Variants in NUDT5 observed in about 807,000 individuals in gnomAD.
The protein encoded by NUDT5 is nudix hydrolase 5.
Under a neutral mutation model 34.1 loss-of-function variants are expected in NUDT5, and 21 were observed. The ratio of observed to expected loss-of-function variants is 0.62; its 90% CI spans 0.44 to 0.89. The LOEUF (loss-of-function observed/expected upper bound fraction) is 0.89, where lower values mean the gene tolerates loss of function less well. Among genes scored for constraint, NUDT5 ranks in the 40% least tolerant of loss-of-function variants. NUDT5 has a pLI of 0.00. For synonymous variants in NUDT5, 85 were observed against 97.6 expected, an observed-to-expected ratio of 0.87 and a Z score of 0.76; for missense variants, 249 against 274.8, an observed-to-expected ratio of 0.91 and a Z score of 0.66.
At chr10:12,185,271 G>A (rs762732071) in intron 2 of NUDT5, among the ~76,000 whole-genome samples, 49 of 152,326 alleles carry the variant, frequency 3.2e-4, no homozygotes, top group African/African-American at 1.2e-3. Context: ...GAGCACATGG[G>A]GTGAGGGTGT....
intron 2 of NUDT5, among the ~76,000 whole-genome samples, chr10:12,185,356 C>G (rs905147702): frequency 3.3e-5 from 5 of 152,136 alleles, no homozygotes; most frequent in Admixed American, 2.0e-4. Flanking sequence ...GTAGAAATGG[C>G]CATTTCTAGA....
At chr10:12,193,867 CTCT>C (rs1835279911) in intron 1 of NUDT5, among the ~76,000 whole-genome samples, 1 of 149,540 alleles carries the variant, frequency 6.7e-6, no homozygotes, top group African/African-American at 2.5e-5. Flanking sequence ...AATCTCTACA[CTCT>C]TTTTTTTTTT....
rs1488007124 is a variant in NUDT5 at position 12,168,765 on chromosome 10, T to A, written c.551-954A>T. 1.3e-5 allele frequency among the ~76,000 whole-genome samples: 2 copies of A among 151,458 alleles called. No homozygotes were observed. Among genetic ancestry groups the A allele is most frequent in the African/African-American group, 2.4e-5 (1 of 41,204 alleles). ...TGTAGCAAACTGATCTTTTTTTAAT[T>A]TTTTTTTTATGTTTTTGAGATGGAG... is the stretch of plus-strand genomic sequence containing the variant. On this transcript the variant is annotated intron_variant, in intron 9 of 9. Transcript: ENST00000491614. The surrounding 1 kb of genome is among the most constrained non-coding windows in gnomAD (Gnocchi z 4.8).
intron 1 of NUDT5, among the ~76,000 whole-genome samples, chr10:12,188,453 C>T (rs1348045409): frequency 6.6e-6 from 1 of 152,154 alleles, no homozygotes; most frequent in Non-Finnish European, 1.5e-5. Flanking sequence ...AGGCCGGGTG[C>T]GGTGGCTCAC....
intron 1 of NUDT5, among the ~76,000 whole-genome samples, chr10:12,189,895 T>G (rs1424369126): frequency 0.015 from 15 of 1,010 alleles, no homozygotes; most frequent in Non-Finnish European, 0.14. Flanking sequence ...TGTTCTACAA[T>G]TTTTTTTTTT....
chr10:12,195,000 T>C (rs1010689179), intron 1 of NUDT5, among the ~76,000 whole-genome samples: 8 of 152,086 alleles, frequency 5.3e-5, no homozygotes, highest in Admixed American at 4.6e-4. Context: ...CCGTCTCTAC[T>C]AAAAACACAA....
At position 12,173,145 on chromosome 10, in the gene NUDT5, T is replaced by G. The variant is rs970094158; in HGVS notation, c.386-279A>C. On this transcript the variant is annotated intron_variant, in intron 6 of 9. Coordinates refer to ENST00000491614, the MANE Select transcript of NUDT5 (RefSeq NM_014142.4). This position sits in a 1 kb window ranked among gnomAD's most constrained non-coding sequence, Gnocchi z 4.7. The stretch of plus-strand genomic sequence containing the variant: ...CATCAAACTCAAAAAAATCTTCCAG[T>G]GATGAGGGTAGCACATGCATGAGAT... Among the ~76,000 whole-genome samples, 5 of 152,164 alleles carry G rather than the reference T, an allele frequency of 3.3e-5. No individual in the cohort carries two copies. Among genetic ancestry groups the G allele is most frequent in the African/African-American group, 9.7e-5 (4 of 41,428 alleles).
intron 7 of NUDT5, among the ~76,000 whole-genome samples, chr10:12,172,029 A>C (rs186374819): frequency 9.9e-5 from 15 of 152,226 alleles, no homozygotes; most frequent in Middle Eastern, 3.4e-3. Context: ...CCGGCAAAAA[A>C]TAAGACTTAA....
chr10:12,180,818 T>C (rs758060212), intron 3 of NUDT5, among the ~76,000 whole-genome samples: 95 of 152,212 alleles, frequency 6.2e-4, no homozygotes, highest in Admixed American at 2.5e-3. Context: ...TCCAGTGAGA[T>C]CATCCTATTC....
chr10:12,168,270 C>T lies in NUDT5; in HGVS notation c.551-459G>A, dbSNP rs1269269982. Among the ~76,000 whole-genome samples, 10 of 152,130 alleles carry T rather than the reference C, an allele frequency of 6.6e-5. No homozygotes were observed. The highest frequency in any genetic ancestry group is 1.2e-4 in the Non-Finnish European group (8 of 68,010). On this transcript the variant is annotated intron_variant, in intron 9 of 9. Transcript: ENST00000491614. This position sits in a 1 kb window ranked among gnomAD's most constrained non-coding sequence, Gnocchi z 4.8. ...CGATCTCCTGACCTCGTGATCCACC[C>T]GCCTCAGCCTCCCAAAGTGCTGGGA...
At position 12,167,567 on chromosome 10, in the gene NUDT5, C is replaced by G. The variant is rs1040965326; in HGVS notation, c.*135G>C. 1 of 755,996 alleles carries G rather than the reference C, an allele frequency of 1.3e-6. No homozygotes were observed. Among genetic ancestry groups the G allele is most frequent in the African/African-American group, 1.8e-5 (1 of 55,704 alleles). 46.8% of individuals were successfully genotyped at this position (755,996 alleles called of 1,614,324 possible). On this transcript the variant is annotated 3_prime_UTR_variant, in exon 10 of 10. Coordinates refer to ENST00000491614, the MANE Select transcript of NUDT5 (RefSeq NM_014142.4). ...ACCTGTAATTACAATTCCATACCAC[C>G]ACCACATCTGTTCTGTGCTTTTATT...
chr10:12,177,694 G>A (rs1834977495), intron 5 of NUDT5, 99 bp downstream of exon 5: 1 of 875,540 alleles, frequency 1.1e-6, no homozygotes, highest in South Asian at 1.4e-5. Context: ...AAACCACAAG[G>A]ACAGATTAAA....
chr10:12,181,117 A>G lies in NUDT5; in HGVS notation c.132-1985T>C, dbSNP rs1835034948. On this transcript the variant is annotated intron_variant, in intron 3 of 9. Coordinates refer to ENST00000491614, the MANE Select transcript of NUDT5 (RefSeq NM_014142.4). The surrounding 1 kb of genome is among the most constrained non-coding windows in gnomAD (Gnocchi z 5.0). ...AACCACCCATTGAAAATATTTAGGA[A>G]AAAAATTGCATCTATACTGAACAGG... 6.6e-6 allele frequency among the ~76,000 whole-genome samples: 1 copy of G among 152,210 alleles called. No homozygotes were observed. The highest frequency in any genetic ancestry group is 2.1e-4 in the South Asian group (1 of 4,832).
chr10:12,191,629 T>C (rs1223213986), intron 1 of NUDT5, among the ~76,000 whole-genome samples: 2 of 152,164 alleles, frequency 1.3e-5, no homozygotes, highest in Admixed American at 6.5e-5. Flanking sequence ...CATGTGCCTA[T>C]AGTCCCGGCT....
In NUDT5 at chr10:12,166,687, G is replaced by C. The variant is rs1391014262; in HGVS notation, c.*1015C>G. ...TAGGGCTGGATGAGAATCATCCTGA[G>C]AATTCCGTGGGGGCCAGACTGGAAA... On this transcript the variant is annotated 3_prime_UTR_variant, in exon 10 of 10. Coordinates refer to ENST00000491614, the MANE Select transcript of NUDT5 (RefSeq NM_014142.4). 2.0e-6 allele frequency: 1 copy of C among 500,840 alleles called. No homozygotes were observed. Among genetic ancestry groups the C allele is most frequent in the Admixed American group, 2.2e-5 (1 of 46,286 alleles). The allele number at this position is 500,840 out of a possible 1,614,324, so 31.0% of individuals were successfully genotyped here. A position where few individuals can be genotyped will look rare whatever the true frequency, so the allele number is the denominator to read the frequency against.
chr10:12,184,865 T>G (rs374619478), intron 3 of NUDT5, 24 bp downstream of exon 3: 19 of 1,421,658 alleles, frequency 1.3e-5, no homozygotes, highest in Non-Finnish European at 1.1e-5. Flanking sequence ...AACGAACATT[T>G]TGTAAGAAAA....
chr10:12,191,378 G>T (rs763294377), intron 1 of NUDT5, among the ~76,000 whole-genome samples: 1 of 151,254 alleles, frequency 6.6e-6, no homozygotes, highest in African/African-American at 2.4e-5. Flanking sequence ...GCAAGACTCC[G>T]TCTCAAAAAC....
At chr10:12,194,939 G>T (rs891964143) in intron 1 of NUDT5, among the ~76,000 whole-genome samples, 5 of 152,174 alleles carry the variant, frequency 3.3e-5, no homozygotes, top group African/African-American at 1.2e-4. Context: ...GAGGCGGGCA[G>T]ATCACCTAAG....
rs201960828 is a variant in NUDT5, at chr10:12,171,686, AT to A, written c.488-779del. ...ATGTGCAGTTCAAAAATTAAGATTT[AT>A]TTTATTTATTTATTTATTTATTTAT... On this transcript the variant is annotated intron_variant, in intron 7 of 9. Coordinates refer to ENST00000491614, the MANE Select transcript of NUDT5 (RefSeq NM_014142.4). This position sits in a 1 kb window ranked among gnomAD's most constrained non-coding sequence, Gnocchi z 4.2. Among the ~76,000 whole-genome samples, 125 of 142,984 alleles carry A rather than the reference AT, an allele frequency of 8.7e-4. No homozygotes were observed. The highest frequency in any genetic ancestry group is 1.2e-3 in the African/African-American group (46 of 38,640). 93.8% of individuals were successfully genotyped at this position (142,984 alleles called of 152,430 possible).
Sources: gnomAD v4.1 joint callset for allele counts (sites outside exome capture counted in the v4.1 genomes callset) on GRCh38, gnomAD v4.1.1 for gene constraint, Gnocchi (gnomAD v3.1) non-coding constraint, MANE v1.5 for transcripts, NCBI Gene and HGNC (gene_info 2026-07-23, HGNC 2026-07-21) for gene names.